The following TSEN15 variants were observed in gnomAD, a reference collection of about 807,000 sequenced individuals.
The protein encoded by TSEN15 is tRNA-splicing endonuclease subunit Sen15.
In TSEN15, 10 loss-of-function variants were observed where a neutral mutation model predicts 20.5. That is an observed-to-expected ratio of 0.49 (90% CI 0.30 to 0.83). The LOEUF (loss-of-function observed/expected upper bound fraction) is 0.83. Among genes scored for constraint, TSEN15 ranks in the 40% least tolerant of loss-of-function variants. TSEN15 has a pLI of 0.06. For missense variants in TSEN15, 180 were observed against 218.6 expected, an observed-to-expected ratio of 0.82 and a Z score of 1.11; for synonymous variants, 72 against 80.1, an observed-to-expected ratio of 0.90 and a Z score of 0.54.
intron 3 of TSEN15, 175 bp downstream of exon 3, chr1:184,055,038 A>G (rs938536570): frequency 6.6e-5 from 43 of 649,004 alleles, no homozygotes; most frequent in Non-Finnish European, 9.9e-5. Context: ...TTGCATTGCT[A>G]TAAAGAAATA....
chr1:184,091,134 T>G (rs999447425), intron 3 of TSEN15, among the ~76,000 whole-genome samples: 3 of 152,094 alleles, frequency 2.0e-5, no homozygotes, highest in African/African-American at 7.2e-5. Context: ...AAAATACAGC[T>G]TGAGTCATTG....
intron 4 of TSEN15, 85 bp downstream of exon 4, chr1:184,072,383 G>GA: frequency 8.1e-7 from 1 of 1,236,548 alleles, no homozygotes. Flanking sequence ...GTCAGTCACA[G>GA]AACTGCCACT....
At chr1:184,071,851 A>G (rs1440065813) in intron 3 of TSEN15, among the ~76,000 whole-genome samples, 3 of 152,114 alleles carry the variant, frequency 2.0e-5, no homozygotes, top group Non-Finnish European at 4.4e-5. Context: ...TATAAAAACA[A>G]GATCCAACTA....
chr1:184,061,013 C>G (rs143510091), intron 3 of TSEN15, among the ~76,000 whole-genome samples: 1 of 152,110 alleles, frequency 6.6e-6, no homozygotes, highest in Non-Finnish European at 1.5e-5. Flanking sequence ...TTCTTCCCCC[C>G]CAAAATAGCC....
At chr1:184,089,880 C>T (rs1343332446) in intron 3 of TSEN15, among the ~76,000 whole-genome samples, 6 of 152,094 alleles carry the variant, frequency 3.9e-5, no homozygotes, top group Non-Finnish European at 1.5e-5. Context: ...ATCATGCTCC[C>T]CAGTCCTCCA....
At chr1:184,094,960 G>A (rs951774436) in intron 3 of TSEN15, 1 of 398,438 alleles carries the variant, frequency 2.5e-6, no homozygotes, top group Non-Finnish European at 4.4e-6. Context: ...CACCAAACAC[G>A]GACCCAAAAG....
At chr1:184,069,418 G>T (rs1650804567) in intron 3 of TSEN15, among the ~76,000 whole-genome samples, 1 of 152,024 alleles carries the variant, frequency 6.6e-6, no homozygotes, top group Non-Finnish European at 1.5e-5. Flanking sequence ...GTAGATTTGT[G>T]TGATGAAACA....
intron 3 of TSEN15, among the ~76,000 whole-genome samples, chr1:184,064,347 A>G (rs1206634951): frequency 1.3e-5 from 2 of 152,128 alleles, no homozygotes; most frequent in Admixed American, 6.6e-5. Context: ...GAGGGCTGAG[A>G]GGGCCTGAAA....
intron 3 of TSEN15, among the ~76,000 whole-genome samples, chr1:184,071,524 G>A (rs1186126623): frequency 3.3e-5 from 5 of 151,892 alleles, no homozygotes; most frequent in Admixed American, 3.3e-4. Flanking sequence ...CTCTATTGGA[G>A]CAATTTCTAT....
chr1:184,052,951 G>T (rs1650108570), intron 1 of TSEN15, among the ~76,000 whole-genome samples: 1 of 152,070 alleles, frequency 6.6e-6, no homozygotes. Context: ...GAAAAATGGG[G>T]ATATTAATAG....
intron 3 of TSEN15, 161 bp downstream of exon 3, chr1:184,055,024 ATTC>A: frequency 1.4e-6 from 1 of 731,018 alleles, no homozygotes; most frequent in Non-Finnish European, 2.1e-6. Flanking sequence ...GTATTCGGCC[ATTC>A]TTGCATTGCT....
At chr1:184,067,259 A>T (rs1217069050) in intron 3 of TSEN15, among the ~76,000 whole-genome samples, 1 of 152,298 alleles carries the variant, frequency 6.6e-6, no homozygotes, top group East Asian at 1.9e-4. Context: ...TACAACTGTT[A>T]CCACTCTGGC....
chr1:184,086,920 G>A (rs546616558), intron 3 of TSEN15, among the ~76,000 whole-genome samples: 2 of 152,134 alleles, frequency 1.3e-5, no homozygotes, highest in Non-Finnish European at 2.9e-5. Flanking sequence ...CTTTTGAAAG[G>A]GGGGAGTATC....
chr1:184,086,893 G>A (rs1171359202), intron 3 of TSEN15, among the ~76,000 whole-genome samples: 1 of 152,144 alleles, frequency 6.6e-6, no homozygotes, highest in Non-Finnish European at 1.5e-5. Flanking sequence ...ACTAGGGGGA[G>A]GTGTATTCAA....
Position 184,072,311 on chromosome 1 carries a change from G to A in TSEN15, c.495+13G>A. The A allele has an allele frequency of 6.3e-7, 1 of 1,583,882 alleles. No individual in the cohort carries two copies. Among genetic ancestry groups the A allele is most frequent in the Non-Finnish European group, 8.6e-7 (1 of 1,167,404 alleles). On this transcript the variant is annotated intron_variant, in intron 4 of 4. Transcript: ENST00000645668. ...GCCAGACCCTCAGGTCAGTTTTGAG[G>A]TAACTGACAGCAAGAAGTACAAAAA... is the stretch of plus-strand genomic sequence containing the variant.
chr1:184,073,544 T>C lies in TSEN15; in HGVS notation c.*697T>C, dbSNP rs1050911957. 7 of 152,614 alleles carry C rather than the reference T, an allele frequency of 4.6e-5. No homozygotes were observed. The highest frequency in any genetic ancestry group is 1.7e-4 in the African/African-American group (7 of 41,460). 9.5% of individuals were successfully genotyped at this position (152,614 alleles called of 1,614,324 possible). A position where few individuals can be genotyped will look rare whatever the true frequency, so the allele number is the denominator to read the frequency against. ...TATCATAGCTTGAATATTACAACAG[T>C]GTGGGAGAGAATCAACCGTAAAAAT... On this transcript the variant is annotated 3_prime_UTR_variant, in exon 5 of 5. Transcript: ENST00000645668.
intron 3 of TSEN15, among the ~76,000 whole-genome samples, chr1:184,069,801 T>C (rs1022634546): frequency 4.6e-5 from 7 of 152,010 alleles, no homozygotes; most frequent in Admixed American, 1.3e-4. Flanking sequence ...TAAACATACT[T>C]GAAAAATCGA....
intron 3 of TSEN15, among the ~76,000 whole-genome samples, chr1:184,084,990 CT>C (rs1195364801): frequency 7.4e-4 from 108 of 145,980 alleles, no homozygotes; most frequent in African/African-American, 8.0e-4. Context: ...GATGATAACA[CT>C]TTTTTTTTTT....
chr1:184,066,741 C>T lies in TSEN15; in HGVS notation c.354-5416C>T, dbSNP rs116713436. Among the ~76,000 whole-genome samples the T allele has an allele frequency of 4.3e-3, 652 of 152,216 alleles. 4 individuals are homozygous for T. The highest frequency in any genetic ancestry group is 0.014 in the Middle Eastern group (4 of 294). The stretch of plus-strand genomic sequence containing the variant: ...CTTAAAGTCAGATAAAATCAGTCCT[C>T]TCACTTTGTTCTTTAACACTTTGTT... On this transcript the variant is annotated intron_variant, in intron 3 of 4. Coordinates refer to ENST00000645668, the MANE Select transcript of TSEN15 (RefSeq NM_052965.4).
Sources: gnomAD v4.1 joint callset for allele counts (sites outside exome capture counted in the v4.1 genomes callset) on GRCh38, gnomAD v4.1.1 for gene constraint, MANE v1.5 for transcripts, NCBI Gene and HGNC (gene_info 2026-07-23, HGNC 2026-07-21) for gene names.